The following CACNA1B variants were observed in gnomAD, a reference collection of about 807,000 sequenced individuals.
CACNA1B encodes voltage-dependent N-type calcium channel subunit alpha-1B.
In CACNA1B, 70 loss-of-function variants were observed where a neutral mutation model predicts 247.2. The observed-to-expected ratio is 0.28, with a 90% CI of 0.23 to 0.35. The LOEUF is 0.35. Among genes scored for constraint, CACNA1B ranks in the 10% least tolerant of loss-of-function variants. CACNA1B has a pLI of 1.00. For synonymous variants in CACNA1B, 1,231 were observed against 1,294.4 expected, an observed-to-expected ratio of 0.95 and a Z score of 1.05; for missense variants, 2,367 against 3,197.4, an observed-to-expected ratio of 0.74 and a Z score of 6.26.
chr9:137,892,270 G>C (rs906963563), intron 3 of CACNA1B: 7 of 456,678 alleles, frequency 1.5e-5, no homozygotes, highest in African/African-American at 1.4e-4. Context: ...TCCAAGATCA[G>C]GGTGTTGGCA....
intron 36 of CACNA1B, among the ~76,000 whole-genome samples, chr9:138,080,707 C>G (rs1960497333): frequency 6.6e-6 from 1 of 152,250 alleles, no homozygotes; most frequent in Admixed American, 6.5e-5. Flanking sequence ...CCCCAGAGAA[C>G]AGGTTTTTAA....
rs80276264 is a variant in CACNA1B at position 138,057,483 on chromosome 9, C to G, written c.3969-249C>G. On this transcript the variant is annotated intron_variant, in intron 26 of 46. Coordinates refer to ENST00000371372, the MANE Select transcript of CACNA1B (RefSeq NM_000718.4). This position sits in a 1 kb window ranked among gnomAD's most constrained non-coding sequence, Gnocchi z 4.0. ...ATTCGAGGTCACGAAGTTTTGCCCC[C>G]GTTTTCCTCTAAGTGTTTTATAGTT... Among the ~76,000 whole-genome samples the G allele has an allele frequency of 6.6e-6, 1 of 152,220 alleles. No individual in the cohort carries two copies. Among genetic ancestry groups the G allele is most frequent in the African/African-American group, 2.4e-5 (1 of 41,526 alleles).
rs1376754174 is a variant in CACNA1B at position 138,120,291 on chromosome 9, C to T, written c.6157C>T (p.His2053Tyr). The change falls in exon 45 of 47, where the codon CAC (histidine) becomes TAC (tyrosine). Residue 2053 changes from histidine to tyrosine, a missense_variant. By Grantham distance (83) the His-to-Tyr change is moderately conservative (BLOSUM62 2). Transcript: ENST00000371372. ...PPSQASSHHHHHRCHRRRDRK... is the reference protein window; with the variant it reads ...PPSQASSHHHYHRCHRRRDRK... ...TAGCCAGGCGTCGTCGCACCACCAC[C>T]ACCACCGCTGCCACCGCCGCAGGGA... 1 of 1,569,360 alleles carries T rather than the reference C, an allele frequency of 6.4e-7. No homozygotes were observed. Among genetic ancestry groups the T allele is most frequent in the South Asian group, 1.2e-5 (1 of 86,350 alleles).
At position 138,012,933 on chromosome 9, in the gene CACNA1B, A is replaced by G. The variant is rs1408344234; in HGVS notation, c.2161-196A>G. ...CACAGAAGGGAAGGCCCTGGAGAGC[A>G]CCAGAGACAGCTCCTGTGGAACAGG... On this transcript the variant is annotated intron_variant, in intron 17 of 46. Transcript: ENST00000371372. This position sits in a 1 kb window ranked among gnomAD's most constrained non-coding sequence, Gnocchi z 4.2. 6.6e-6 allele frequency among the ~76,000 whole-genome samples: 1 copy of G among 152,036 alleles called. No homozygotes were observed. The highest frequency in any genetic ancestry group is 1.5e-5 in the Non-Finnish European group (1 of 68,002).
At position 138,023,629 on chromosome 9, in the gene CACNA1B, C is replaced by A. The variant is rs374275536; in HGVS notation, c.2886C>A (p.Pro962=). Residue 962 remains proline, a synonymous_variant, in exon 19 of 47, where the codon CCC becomes CCA. Transcript: ENST00000371372. ...GERRARHRGG[P]RAGPREAESG... Reference sequence around the variant, plus strand: ...GGCGCGCGCGGCACCGCGGCGGCCCCCGAGCGGGGCCCCGGGAGGCGGAGA... The same window carrying A: ...GGCGCGCGCGGCACCGCGGCGGCCCACGAGCGGGGCCCCGGGAGGCGGAGA... The A allele has an allele frequency of 8.6e-4, 1,107 of 1,282,748 alleles. 18 individuals are homozygous for A. The East Asian group carries it at 0.035, about 40-fold the overall frequency. The allele number at this position is 1,282,748 out of a possible 1,614,324, so 79.5% of individuals were successfully genotyped here.
chr9:138,048,504 A>G (rs764473185), intron 23 of CACNA1B, among the ~76,000 whole-genome samples: 1 of 152,198 alleles, frequency 6.6e-6, no homozygotes, highest in African/African-American at 2.4e-5. Flanking sequence ...TTGAGGTCCA[A>G]AGGCCCACTG....
At chr9:137,931,321 A>G (rs1297717551) in intron 6 of CACNA1B, among the ~76,000 whole-genome samples, 1 of 152,100 alleles carries the variant, frequency 6.6e-6, no homozygotes, top group African/African-American at 2.4e-5. Flanking sequence ...AGCTGCTTAC[A>G]CCCTGTGTAA....
intron 24 of CACNA1B, chr9:138,049,957 A>G (rs1959223504): frequency 1.2e-5 from 7 of 607,028 alleles, no homozygotes; most frequent in Non-Finnish European, 1.9e-5. Flanking sequence ...GAGACAAGGA[A>G]GACCCCTAGT....
chr9:137,905,764 C>T (rs1957292309), intron 3 of CACNA1B, among the ~76,000 whole-genome samples: 1 of 152,190 alleles, frequency 6.6e-6, no homozygotes, highest in Non-Finnish European at 1.5e-5. Flanking sequence ...TTCGGAAAAT[C>T]TGATTTCCAC....
chr9:137,888,810 C>T lies in CACNA1B; in HGVS notation c.530+5927C>T, dbSNP rs535346044. ...TCTTTTGGGCTTTGTGGACGCAGGCCGATTCAGATGGTGGCAGGCACTTCT... is the reference window on the plus strand; with the variant it reads ...TCTTTTGGGCTTTGTGGACGCAGGCTGATTCAGATGGTGGCAGGCACTTCT... On this transcript the variant is annotated intron_variant, in intron 3 of 46. Transcript: ENST00000371372. This position sits in a 1 kb window ranked among gnomAD's most constrained non-coding sequence, Gnocchi z 4.7. Among the ~76,000 whole-genome samples, 5 of 152,228 alleles carry T rather than the reference C, an allele frequency of 3.3e-5. No homozygotes were observed. The highest frequency in any genetic ancestry group is 3.9e-4 in the East Asian group (2 of 5,182).
intron 19 of CACNA1B, among the ~76,000 whole-genome samples, chr9:138,024,084 TATTTA>T (rs1958889253): frequency 6.6e-6 from 1 of 152,176 alleles, no homozygotes; most frequent in Non-Finnish European, 1.5e-5. Context: ...TGCCAGCCGT[TATTTA>T]AGAAGGGAGG....
intron 24 of CACNA1B, among the ~76,000 whole-genome samples, chr9:138,049,671 A>C (rs7853637): frequency 0.15 from 22,710 of 152,200 alleles, 4,750 homozygotes; most frequent in African/African-American, 0.47. Context: ...TTTGCCTCCC[A>C]GGGTCCTTGG....
rs1489384308 is a variant in CACNA1B at position 137,942,010 on chromosome 9, A to G, written c.967-10264A>G. ...CTTAATTAAATCAAAGAACTTTTGCACAGCAAAAGAAACAGTCGGCAGAGT... is the reference window on the plus strand; with the variant it reads ...CTTAATTAAATCAAAGAACTTTTGCGCAGCAAAAGAAACAGTCGGCAGAGT... On this transcript the variant is annotated intron_variant, in intron 6 of 46. Coordinates refer to ENST00000371372, the MANE Select transcript of CACNA1B (RefSeq NM_000718.4). Among the ~76,000 whole-genome samples the G allele has an allele frequency of 7.2e-5, 11 of 152,278 alleles. 1 individual carries two copies. Among genetic ancestry groups the G allele is most frequent in the Admixed American group, 7.2e-4 (11 of 15,290 alleles).
rs998795810 is a variant in CACNA1B, at chr9:138,063,767, A to G, written c.4668+4030A>G. 2.6e-5 allele frequency among the ~76,000 whole-genome samples: 4 copies of G among 152,202 alleles called. No individual in the cohort carries two copies. The East Asian group carries it at 7.7e-4, about 29-fold the overall frequency. On this transcript the variant is annotated intron_variant, in intron 31 of 46. Transcript: ENST00000371372. ...AGTCCAGTGTCATCCATTGTGATCC[A>G]GTTTTCTTGCACAGTCCATACTGGT...
chr9:138,101,349 C>G, intron 37 of CACNA1B: 1 of 422,760 alleles, frequency 2.4e-6, no homozygotes. Flanking sequence ...GCTTTGGTTC[C>G]CTGTCTAATC....
Position 138,011,583 on chromosome 9 carries a change from G to C in CACNA1B, c.2160+1506G>C, listed in dbSNP as rs1958724746. Among the ~76,000 whole-genome samples, 1 of 152,138 alleles carries C rather than the reference G, an allele frequency of 6.6e-6. No homozygotes were observed. The highest frequency in any genetic ancestry group is 1.5e-5 in the Non-Finnish European group (1 of 68,028). On this transcript the variant is annotated intron_variant, in intron 17 of 46. Coordinates refer to ENST00000371372, the MANE Select transcript of CACNA1B (RefSeq NM_000718.4). This position sits in a 1 kb window ranked among gnomAD's most constrained non-coding sequence, Gnocchi z 4.2. ...TTGAAGCGAGGATAAACTTGAATTT[G>C]TTTTAGACCTTCCAGGGGACTTTAG...
Position 138,023,314 on chromosome 9 carries a change from G to C in CACNA1B, c.2571G>C (p.Lys857Asn). The change falls in exon 19 of 47, where the codon AAG (lysine) becomes AAC (asparagine). Residue 857 changes from lysine (K) to asparagine (N), a missense_variant. By Grantham distance (94) the Lys-to-Asn change is moderately conservative. Coordinates refer to ENST00000371372, the MANE Select transcript of CACNA1B (RefSeq NM_000718.4). ...PPRRHHRHRD[K>N]DKTPAAGDQD... ...GCAGGCACCACCGGCACCGCGACAA[G>C]GACAAGACCCCCGCGGCGGGGGACC... is the stretch of plus-strand genomic sequence containing the variant. The C allele has an allele frequency of 1.3e-6, 2 of 1,511,632 alleles. No homozygotes were observed. Among genetic ancestry groups the C allele is most frequent in the Non-Finnish European group, 1.8e-6 (2 of 1,137,846 alleles). 93.6% of individuals were successfully genotyped at this position (1,511,632 alleles called of 1,614,324 possible).
At chr9:138,009,893 G>T (rs1469270950) in intron 16 of CACNA1B, 117 bp from the exon 17 acceptor site, 1 of 752,148 alleles carries the variant, frequency 1.3e-6, no homozygotes, top group Non-Finnish European at 2.3e-6. Context: ...TGGGGAGCTG[G>T]TAGGTGCCAA....
In CACNA1B at chr9:137,880,386, G is replaced by C. The variant is rs1366717955; in HGVS notation, c.390+1227G>C. Among the ~76,000 whole-genome samples the C allele has an allele frequency of 6.6e-6, 1 of 152,184 alleles. No homozygotes were observed. The highest frequency in any genetic ancestry group is 1.5e-5 in the Non-Finnish European group (1 of 68,026). On this transcript the variant is annotated intron_variant, in intron 2 of 46. Transcript: ENST00000371372. This position sits in a 1 kb window ranked among gnomAD's most constrained non-coding sequence, Gnocchi z 4.8. ...GGGACTTGGGCAGGACCCTGGTGGG[G>C]CCCATTGCTTTCTGGAGGCTGGAGA...
Sources: allele counts gnomAD v4.1 joint callset (sites outside exome capture counted in the v4.1 genomes callset), GRCh38; gene constraint gnomAD v4.1.1; non-coding constraint Gnocchi (gnomAD v3.1); transcripts MANE v1.5; gene names NCBI Gene and HGNC (gene_info 2026-07-23, HGNC 2026-07-21).